MTA1: variants seen among roughly 807,000 people sequenced by gnomAD.
The protein encoded by MTA1 is metastasis-associated protein MTA1.
In MTA1, 15 loss-of-function variants were observed where a neutral mutation model predicts 97.0. The ratio of observed to expected loss-of-function variants is 0.15; its 90% CI spans 0.10 to 0.24. The LOEUF is 0.24. Ranked by LOEUF, MTA1 falls within the 10% of genes least tolerant of loss-of-function variation. MTA1 has a pLI of 1.00. For missense variants in MTA1, 709 were observed against 1,015.1 expected (o/e 0.70, Z 4.10); for synonymous variants, 435 against 417.5 (o/e 1.04, Z -0.51).
intron 1 of MTA1, 94 bp from the exon 2 acceptor site, chr14:105,438,577 GC>G: frequency 9.4e-7 from 1 of 1,068,280 alleles, no homozygotes; most frequent in South Asian, 1.3e-5. Flanking sequence ...GGATGACACT[GC>G]CCCGCCTGAG....
At position 105,420,123 on chromosome 14, in the gene MTA1, G is replaced by GCTGCCGCCTCCCCCGCCC; in HGVS notation, c.28+63_28+80dup. 1.3e-6 allele frequency: 1 copy of GCTGCCGCCTCCCCCGCCC among 789,622 alleles called. No individual in the cohort carries two copies. The highest frequency in any genetic ancestry group is 1.5e-6 in the Non-Finnish European group (1 of 652,902). The allele number at this position is 789,622 out of a possible 1,614,324, so 48.9% of individuals were successfully genotyped here. On this transcript the variant is annotated intron_variant, in intron 1 of 20. Transcript: ENST00000331320. The surrounding 1 kb of genome is among the most constrained non-coding windows in gnomAD (Gnocchi z 5.3). Reference sequence around the variant, plus strand: ...CCGCCCGCAGCCCCCACCCGCCGCCGCTGCCGCCTCCCCCGCCCCTCTGCC... The same window carrying GCTGCCGCCTCCCCCGCCC: ...CCGCCCGCAGCCCCCACCCGCCGCCGCTGCCGCCTCCCCCGCCCCTGCCGCCTCCCCCGCCCCTCTGCC...
At position 105,450,172 on chromosome 14, in the gene MTA1, C is replaced by T; in HGVS notation, c.356C>T (p.Ala119Val). The T allele has an allele frequency of 6.2e-7, 1 of 1,613,040 alleles. No homozygotes were observed. Among genetic ancestry groups the T allele is most frequent in the Non-Finnish European group, 8.5e-7 (1 of 1,179,874 alleles). The change falls in exon 5 of 21, where the codon GCC becomes GTC. Residue 119 changes from alanine (A) to valine (V), a missense_variant. Around this residue, in one of 2 missense-constraint regions of MTA1, gnomAD observed 321 missense variants for 593.5 expected, o/e 0.54. Coordinates refer to ENST00000331320, the MANE Select transcript of MTA1 (RefSeq NM_004689.4). ...TCCCGGCAGCTGGAGTCTCTGCCCG[C>T]CACGCACATCAGGTAGCCCCCAGCA... ...FLSRQLESLP[A>V]THIRGKCSVT... is the part of the protein sequence containing the mutation.
chr14:105,451,361 C>T (rs587640491), intron 6 of MTA1, among the ~76,000 whole-genome samples: 1 of 152,376 alleles, frequency 6.6e-6, no homozygotes, highest in South Asian at 2.1e-4. Flanking sequence ...CATGAGCAGG[C>T]AGAGAAGAGC....
intron 10 of MTA1, among the ~76,000 whole-genome samples, chr14:105,462,011 C>T (rs1002055320): frequency 6.6e-6 from 1 of 152,266 alleles, no homozygotes; most frequent in Non-Finnish European, 1.5e-5. Context: ...GGAGACCCTG[C>T]TGCACATGGT....
chr14:105,427,266 G>A (rs1450175480), intron 1 of MTA1, among the ~76,000 whole-genome samples: 2 of 152,248 alleles, frequency 1.3e-5, no homozygotes, highest in Non-Finnish European at 2.9e-5. Context: ...CTGCTGGGGT[G>A]AGCGAGGCAC....
rs1282835988 is a variant in MTA1 at position 105,469,907 on chromosome 14, G to T, written c.1912G>T (p.Gly638Cys). 4 of 1,611,750 alleles carry T rather than the reference G, an allele frequency of 2.5e-6. No homozygotes were observed. Among genetic ancestry groups the T allele is most frequent in the Admixed American group, 3.3e-5 (2 of 59,890 alleles). The change falls in exon 20 of 21, where the codon GGC becomes TGC. Residue 638 changes from glycine to cysteine, a missense_variant. Gly to Cys is a radical substitution (Grantham distance 159, BLOSUM62 -3). This residue lies in a region of MTA1 where 388 missense variants were observed against 421.6 expected (regional missense o/e 0.92). Transcript: ENST00000331320. ...YPTKVRLIRG[G>C]SLPPVKRRRM... ...CACCAAAGTGCGCCTGATCCGGGGG[G>T]GCTCCCTGCCCCCAGTCAAGCGGCG...
chr14:105,431,251 C>A (rs1478941807), intron 1 of MTA1, among the ~76,000 whole-genome samples: 1 of 152,102 alleles, frequency 6.6e-6, no homozygotes, highest in Non-Finnish European at 1.5e-5. Context: ...TTAGTAGAGA[C>A]CAGGTTTCAC....
Position 105,469,156 on chromosome 14 carries a change from G to A in MTA1, c.1814-311G>A, listed in dbSNP as rs968284389. The A allele has an allele frequency of 5.4e-5, 32 of 597,702 alleles. No individual in the cohort carries two copies. The East Asian group carries it at 6.0e-4, about 11-fold the overall frequency. The allele number at this position is 597,702 out of a possible 1,614,324, so 37.0% of individuals were successfully genotyped here. A position where few individuals can be genotyped will look rare whatever the true frequency, so the allele number is the denominator to read the frequency against. The stretch of plus-strand genomic sequence containing the variant: ...TGCGAGGCTTTGCTTGTCTCGGCAC[G>A]GCAGGCAAGTGGGTGGACAGCCCCG... On this transcript the variant is annotated intron_variant, in intron 18 of 20. Coordinates refer to ENST00000331320, the MANE Select transcript of MTA1 (RefSeq NM_004689.4).
At chr14:105,421,092 C>T (rs1277288013) in intron 1 of MTA1, among the ~76,000 whole-genome samples, 4 of 151,476 alleles carry the variant, frequency 2.6e-5, no homozygotes, top group African/African-American at 9.7e-5. Context: ...TCTGGCCGGC[C>T]AGTCCTGTGA....
chr14:105,442,631 G>A (rs1362567939), intron 2 of MTA1, among the ~76,000 whole-genome samples: 35 of 143,326 alleles, frequency 2.4e-4, no homozygotes, highest in African/African-American at 8.8e-4. Flanking sequence ...ACCTGTGTGT[G>A]CAGGAGCGTC....
chr14:105,421,314 G>A (rs183847094), intron 1 of MTA1, among the ~76,000 whole-genome samples: 200 of 152,262 alleles, frequency 1.3e-3, no homozygotes, highest in Non-Finnish European at 2.4e-3. Context: ...AGCAGCCTGG[G>A]TGCGGGGTCC....
chr14:105,464,336 G>A (rs782257819), intron 13 of MTA1, 80 bp from the exon 14 acceptor site: 49 of 1,568,206 alleles, frequency 3.1e-5, no homozygotes, highest in South Asian at 5.8e-5. Flanking sequence ...GGGGGCGGCC[G>A]GCGTGGGGGT....
chr14:105,438,879 C>A, intron 2 of MTA1, 140 bp downstream of exon 2: 1 of 795,086 alleles, frequency 1.3e-6, no homozygotes, highest in South Asian at 1.6e-5. Flanking sequence ...TTCAGTGACT[C>A]CGTCCACTGT....
At position 105,434,591 on chromosome 14, in the gene MTA1, C is replaced by T. The variant is rs587649116; in HGVS notation, c.29-4081C>T. On this transcript the variant is annotated intron_variant, in intron 1 of 20. Coordinates refer to ENST00000331320, the MANE Select transcript of MTA1 (RefSeq NM_004689.4). ...TCAGCTCACCGCAACCTCCGCCTCC[C>T]GGGTTCAAGCGATTGTCCTGCCTCA... Among the ~76,000 whole-genome samples, 80 of 150,682 alleles carry T rather than the reference C, an allele frequency of 5.3e-4. 2 individuals are homozygous for T. The South Asian group carries it at 8.4e-3, about 16-fold the overall frequency.
At chr14:105,421,398 C>T (rs1313003336) in intron 1 of MTA1, among the ~76,000 whole-genome samples, 3 of 152,220 alleles carry the variant, frequency 2.0e-5, no homozygotes, top group Non-Finnish European at 4.4e-5. Flanking sequence ...GACATGAGGG[C>T]CCAGTTTCTC....
chr14:105,454,076 G>T (rs1023260921), intron 6 of MTA1, 117 bp from the exon 7 acceptor site: 60 of 711,590 alleles, frequency 8.4e-5, no homozygotes, highest in South Asian at 5.5e-4. Flanking sequence ...CGCCCATGTC[G>T]CCCCACAAGA....
chr14:105,433,237 C>T (rs587732834), intron 1 of MTA1, among the ~76,000 whole-genome samples: 268 of 151,360 alleles, frequency 1.8e-3, no homozygotes, highest in Non-Finnish European at 3.2e-3. Flanking sequence ...TCTGTGATGA[C>T]AGGCCTGGCG....
At position 105,422,186 on chromosome 14, in the gene MTA1, C is replaced by A. The variant is rs587614138; in HGVS notation, c.28+2123C>A. Among the ~76,000 whole-genome samples, 6 of 152,312 alleles carry A rather than the reference C, an allele frequency of 3.9e-5. No homozygotes were observed. The highest frequency in any genetic ancestry group is 1.4e-4 in the African/African-American group (6 of 41,566). ...GAGACTGTAGGCCTCCCCCTCTCTA[C>A]TCTGACTGTCCCTATAGGAGAAGCG... On this transcript the variant is annotated intron_variant, in intron 1 of 20. Transcript: ENST00000331320. The surrounding 1 kb of genome is among the most constrained non-coding windows in gnomAD (Gnocchi z 4.3).
intron 6 of MTA1, among the ~76,000 whole-genome samples, chr14:105,450,651 C>G (rs145283945): frequency 2.6e-5 from 4 of 152,256 alleles, no homozygotes; most frequent in Non-Finnish European, 5.9e-5. Flanking sequence ...CCTGAGTCTT[C>G]GCAGGAGTCT....
Sources: gnomAD v4.1 joint callset for allele counts (sites outside exome capture counted in the v4.1 genomes callset) on GRCh38, gnomAD v4.1.1 for gene constraint, gnomAD v4.1.1 regional missense constraint, Gnocchi (gnomAD v3.1) non-coding constraint, MANE v1.5 for transcripts, NCBI Gene and HGNC (gene_info 2026-07-23, HGNC 2026-07-21) for gene names.